ARHGAP35: variants seen among roughly 807,000 people sequenced by gnomAD.
The protein encoded by ARHGAP35 is Rho GTPase activating protein 35.
A neutral mutation model predicts 111.1 loss-of-function variants in ARHGAP35; 15 were observed. The observed-to-expected ratio is 0.13, with a 90% CI of 0.09 to 0.21. The LOEUF (loss-of-function observed/expected upper bound fraction) is 0.21. Among genes scored for constraint, ARHGAP35 ranks in the 10% least tolerant of loss-of-function variants. The pLI is 1.00. For missense variants in ARHGAP35, 1,262 were observed against 1,873.0 expected (o/e 0.67, Z 6.02); for synonymous variants, 643 against 710.3 (o/e 0.91, Z 1.51).
At position 47,003,019 on chromosome 19, in the gene ARHGAP35, C is replaced by T. The variant is rs1045096358; in HGVS notation, c.*2331C>T. On this transcript the variant is annotated 3_prime_UTR_variant, in exon 7 of 7. Coordinates refer to ENST00000672722, the MANE Select transcript of ARHGAP35 (RefSeq NM_004491.5). ...GGTGGGCAGGCAGGGACTGTGGCAG[C>T]TTATGTCCAAAGGGAGCCCCCATGC... 2.0e-5 allele frequency: 3 copies of T among 152,376 alleles called. No individual in the cohort carries two copies. The highest frequency in any genetic ancestry group is 2.9e-5 in the Non-Finnish European group (2 of 68,174). 9.4% of individuals were successfully genotyped at this position (152,376 alleles called of 1,614,324 possible).
chr19:47,001,132 C>A lies in ARHGAP35; in HGVS notation c.*444C>A. On this transcript the variant is annotated 3_prime_UTR_variant, in exon 7 of 7. Transcript: ENST00000672722. This position sits in a 1 kb window ranked among gnomAD's most constrained non-coding sequence, Gnocchi z 5.4. The stretch of plus-strand genomic sequence containing the variant: ...AACACTTCCTGTTGGTCTGTCTCTT[C>A]CCACCTTCCATCTGCACACACCCCC... The A allele has an allele frequency of 8.1e-7, 1 of 1,230,588 alleles. No homozygotes were observed. The highest frequency in any genetic ancestry group is 1.0e-6 in the Non-Finnish European group (1 of 963,340). 76.2% of individuals were successfully genotyped at this position (1,230,588 alleles called of 1,614,324 possible). A position where few individuals can be genotyped will look rare whatever the true frequency, so the allele number is the denominator to read the frequency against.
chr19:46,903,606 G>A (rs1014937545), intron 1 of ARHGAP35, among the ~76,000 whole-genome samples: 2 of 152,208 alleles, frequency 1.3e-5, no homozygotes, highest in Non-Finnish European at 2.9e-5. Context: ...TAGCAATTAG[G>A]ACAGCTGTCA....
intron 1 of ARHGAP35, among the ~76,000 whole-genome samples, chr19:46,868,893 ATTTTTTTTT>A (rs59080309): frequency 1.7e-5 from 1 of 58,668 alleles, no homozygotes; most frequent in African/African-American, 7.6e-5. Flanking sequence ...GCTCACCGTG[ATTTTTTTTT>A]TTTTTTTTTT....
chr19:46,966,465 C>G (rs2056515649), intron 3 of ARHGAP35, among the ~76,000 whole-genome samples: 2 of 152,160 alleles, frequency 1.3e-5, no homozygotes, highest in African/African-American at 4.8e-5. Flanking sequence ...AGGAGAATCA[C>G]TTGAGCGTGG....
chr19:46,917,314 A>G (rs544401183), intron 1 of ARHGAP35, among the ~76,000 whole-genome samples: 7 of 151,372 alleles, frequency 4.6e-5, no homozygotes, highest in Non-Finnish European at 1.0e-4. Flanking sequence ...CCTTCCCTTT[A>G]AAGGCTGAAT....
At chr19:46,968,324 A>G (rs1398304782) in intron 3 of ARHGAP35, among the ~76,000 whole-genome samples, 11 of 152,176 alleles carry the variant, frequency 7.2e-5, no homozygotes, top group Non-Finnish European at 1.6e-4. Context: ...TGAAACATTT[A>G]GGTGGGATAT....
At chr19:46,884,990 T>G (rs1396868288) in intron 1 of ARHGAP35, among the ~76,000 whole-genome samples, 1 of 152,194 alleles carries the variant, frequency 6.6e-6, no homozygotes, top group East Asian at 1.9e-4. Flanking sequence ...CGTGTTGGGA[T>G]TATAGGCTTG....
intron 1 of ARHGAP35, among the ~76,000 whole-genome samples, chr19:46,861,629 T>C (rs903876503): frequency 1.4e-4 from 21 of 151,878 alleles, no homozygotes; most frequent in Non-Finnish European, 1.2e-4. Context: ...CTTCTCCTCA[T>C]TGACCATTCT....
intron 5 of ARHGAP35, among the ~76,000 whole-genome samples, chr19:46,997,930 G>A (rs1428881366): frequency 6.6e-6 from 1 of 152,012 alleles, no homozygotes; most frequent in Non-Finnish European, 1.5e-5. Context: ...GTGAAACCCC[G>A]TCTCTACTAA....
chr19:46,877,487 C>T (rs1387913820), intron 1 of ARHGAP35, among the ~76,000 whole-genome samples: 1 of 151,916 alleles, frequency 6.6e-6, no homozygotes, highest in Non-Finnish European at 1.5e-5. Flanking sequence ...TCACTTGAAC[C>T]TGGGAGGTGG....
chr19:46,875,042 C>G (rs2055910392), intron 1 of ARHGAP35, among the ~76,000 whole-genome samples: 1 of 151,784 alleles, frequency 6.6e-6, no homozygotes, highest in Non-Finnish European at 1.5e-5. Context: ...GAACTCCTGA[C>G]CTTGTGATCT....
Position 47,004,422 on chromosome 19 carries a change from C to T in ARHGAP35, c.*3734C>T, listed in dbSNP as rs1053806340. 2 of 152,290 alleles carry T rather than the reference C, an allele frequency of 1.3e-5. No homozygotes were observed. The highest frequency in any genetic ancestry group is 2.1e-4 in the South Asian group (1 of 4,836). 9.4% of individuals were successfully genotyped at this position (152,290 alleles called of 1,614,324 possible). ...CTGGCCTCCCCCAGCCCTCCCGTGG[C>T]GGAGCCGGCAGCGATGCTACAGGCC... On this transcript the variant is annotated 3_prime_UTR_variant, in exon 7 of 7. Coordinates refer to ENST00000672722, the MANE Select transcript of ARHGAP35 (RefSeq NM_004491.5).
At chr19:46,887,868 C>A (rs985198446) in intron 1 of ARHGAP35, among the ~76,000 whole-genome samples, 1 of 151,994 alleles carries the variant, frequency 6.6e-6, no homozygotes, top group African/African-American at 2.4e-5. Context: ...TTTCAGGAAG[C>A]CTTCCCTGAC....
chr19:47,003,740 GTC>G lies in ARHGAP35; in HGVS notation c.*3054_*3055del, dbSNP rs1364149579. The G allele has an allele frequency of 6.6e-6, 1 of 152,170 alleles. No homozygotes were observed. Among genetic ancestry groups the G allele is most frequent in the Non-Finnish European group, 1.5e-5 (1 of 68,044 alleles). 9.4% of individuals were successfully genotyped at this position (152,170 alleles called of 1,614,324 possible). On this transcript the variant is annotated 3_prime_UTR_variant, in exon 7 of 7. Transcript: ENST00000672722. ...CGACCCAGATTCTTCTGCAGGATGT[GTC>G]TGTCTTTGTCACGGTGGACAGAGGG...
intron 3 of ARHGAP35, among the ~76,000 whole-genome samples, chr19:46,981,842 G>GTT (rs1453435820): frequency 2.6e-5 from 4 of 151,360 alleles, no homozygotes; most frequent in African/African-American, 9.7e-5. Flanking sequence ...GTTTTGTTTT[G>GTT]TTTTGTTTTG....
In ARHGAP35 at chr19:46,920,297, A is replaced by G. The variant is rs764213493; in HGVS notation, c.1622A>G (p.Asp541Gly). ...TTACAAAAGCTCCAAGCAGAGCGTG[A>G]TGCCCTTATTCTGAAACACATTCAT... ...KALQKLQAER[D>G]ALILKHIHFV... Residue 541 changes from aspartate to glycine, a missense_variant, in exon 2 of 7, where the codon GAT (aspartate) becomes GGT (glycine). By Grantham distance (94) the Asp-to-Gly change is moderately conservative. Transcript: ENST00000672722. The surrounding 1 kb of genome is among the most constrained non-coding windows in gnomAD (Gnocchi z 7.0). 1 of 1,614,026 alleles carries G rather than the reference A, an allele frequency of 6.2e-7. No individual in the cohort carries two copies. The highest frequency in any genetic ancestry group is 2.2e-5 in the East Asian group (1 of 44,890).
In ARHGAP35 at chr19:47,000,339, A is replaced by G; in HGVS notation, c.4151A>G (p.His1384Arg). The G allele has an allele frequency of 6.2e-7, 1 of 1,613,724 alleles. No individual in the cohort carries two copies. Among genetic ancestry groups the G allele is most frequent in the Non-Finnish European group, 8.5e-7 (1 of 1,179,756 alleles). The change falls in exon 7 of 7, where the codon CAC (histidine) becomes CGC (arginine). Residue 1384 changes from histidine (H) to arginine (R), a missense_variant. Around this residue, in one of 8 missense-constraint regions of ARHGAP35, gnomAD observed 50 missense variants for 60.5 expected, o/e 0.83. Transcript: ENST00000672722. The surrounding 1 kb of genome is among the most constrained non-coding windows in gnomAD (Gnocchi z 6.9). ...YVISHLNKVSHNNKVNLMTSE... is the reference protein window; with the variant it reads ...YVISHLNKVSRNNKVNLMTSE... The stretch of plus-strand genomic sequence containing the variant: ...TTTGGTGTCGCCCGCAGGGTCAGCC[A>G]CAACAACAAGGTGAATCTCATGACC...
intron 3 of ARHGAP35, among the ~76,000 whole-genome samples, chr19:46,969,127 T>A (rs2056530837): frequency 6.6e-6 from 1 of 152,078 alleles, no homozygotes; most frequent in African/African-American, 2.4e-5. Flanking sequence ...TGCCAGGGGC[T>A]GCGAGAAGGG....
intron 3 of ARHGAP35, among the ~76,000 whole-genome samples, chr19:46,954,801 C>A (rs2056430213): frequency 6.6e-6 from 1 of 152,226 alleles, no homozygotes; most frequent in South Asian, 2.1e-4. Context: ...GTCCAAAGCT[C>A]CTGATAACTG....
Sources: gnomAD v4.1 joint callset for allele counts (sites outside exome capture counted in the v4.1 genomes callset) on GRCh38, gnomAD v4.1.1 for gene constraint, gnomAD v4.1.1 regional missense constraint, Gnocchi (gnomAD v3.1) non-coding constraint, MANE v1.5 for transcripts, NCBI Gene and HGNC (gene_info 2026-07-23, HGNC 2026-07-21) for gene names.